Variants in CSMD3 observed in about 807,000 individuals in gnomAD.
The protein encoded by CSMD3 is CUB and Sushi multiple domains 3.
Under a neutral mutation model 435.2 loss-of-function variants are expected in CSMD3, and 177 were observed. The ratio of observed to expected loss-of-function variants is 0.41; its 90% CI spans 0.36 to 0.46. The LOEUF is 0.46. Ranked by LOEUF, CSMD3 falls within the 20% of genes least tolerant of loss-of-function variation. The probability of loss-of-function intolerance (pLI) is 0.34; values close to 1 mark genes in which losing one functional copy is unlikely to be tolerated. For synonymous variants in CSMD3, 1,656 were observed against 1,520.5 expected (o/e 1.09, Z -2.07); for missense variants, 4,265 against 4,504.6 (o/e 0.95, Z 1.52).
intron 16 of CSMD3, among the ~76,000 whole-genome samples, chr8:112,678,758 TAGA>T (rs1302630052): frequency 6.6e-6 from 1 of 152,030 alleles, no homozygotes; most frequent in Non-Finnish European, 1.5e-5. Context: ...GAAAATAAAA[TAGA>T]AGTAGAAATT....
intron 3 of CSMD3, among the ~76,000 whole-genome samples, chr8:113,213,513 T>C (rs1353156404): frequency 6.6e-6 from 1 of 150,656 alleles, no homozygotes; most frequent in African/African-American, 2.4e-5. Flanking sequence ...TTTTGTGTGT[T>C]TTTTTTTTAG....
chr8:112,715,638 C>T (rs1409612212), intron 13 of CSMD3, among the ~76,000 whole-genome samples: 1 of 152,136 alleles, frequency 6.6e-6, no homozygotes, highest in African/African-American at 2.4e-5. Context: ...AAACTTCAGT[C>T]CAATATCCCT....
intron 22 of CSMD3, among the ~76,000 whole-genome samples, chr8:112,621,866 A>C (rs1287466440): frequency 6.6e-6 from 1 of 152,050 alleles, no homozygotes; most frequent in Non-Finnish European, 1.5e-5. Context: ...CTTTTTCTCA[A>C]ATATGGACTC....
chr8:112,495,123 G>C (rs529750121), intron 30 of CSMD3, among the ~76,000 whole-genome samples: 44 of 152,196 alleles, frequency 2.9e-4, no homozygotes, highest in Non-Finnish European at 4.9e-4. Flanking sequence ...GTGATGCAAG[G>C]GTTGATTTGT....
chr8:112,959,790 T>A (rs2084161946), intron 7 of CSMD3, among the ~76,000 whole-genome samples: 1 of 151,906 alleles, frequency 6.6e-6, no homozygotes. Context: ...GTGGCACATA[T>A]CACTATTGAC....
chr8:112,377,132 C>T (rs1563861927), intron 38 of CSMD3, among the ~76,000 whole-genome samples: 2 of 151,642 alleles, frequency 1.3e-5, no homozygotes, highest in Admixed American at 6.6e-5. Context: ...CATCTAGTTG[C>T]TTTTTCGCAA....
chr8:112,978,692 A>G (rs556371510), intron 6 of CSMD3, among the ~76,000 whole-genome samples: 1 of 152,158 alleles, frequency 6.6e-6, no homozygotes, highest in East Asian at 1.9e-4. Context: ...CTAACCAGAT[A>G]TGTATTCCAA....
chr8:112,823,869 A>G (rs991047641), intron 12 of CSMD3, among the ~76,000 whole-genome samples: 1 of 152,116 alleles, frequency 6.6e-6, no homozygotes, highest in Non-Finnish European at 1.5e-5. Flanking sequence ...CAAGTTTTGA[A>G]TATCCTTGTT....
At chr8:113,209,766 A>C (rs1447345710) in intron 3 of CSMD3, among the ~76,000 whole-genome samples, 2 of 152,128 alleles carry the variant, frequency 1.3e-5, no homozygotes, top group African/African-American at 4.8e-5. Context: ...ATTAATAAGG[A>C]GTCAAGCAAA....
intron 23 of CSMD3, among the ~76,000 whole-genome samples, chr8:112,581,044 T>G (rs949048259): frequency 3.9e-5 from 6 of 152,130 alleles, no homozygotes; most frequent in Non-Finnish European, 8.8e-5. Flanking sequence ...GTATTCCTAT[T>G]ACATGAATAT....
chr8:113,072,728 A>G (rs2089178855), intron 5 of CSMD3, among the ~76,000 whole-genome samples: 1 of 151,804 alleles, frequency 6.6e-6, no homozygotes, highest in Non-Finnish European at 1.5e-5. Flanking sequence ...AAATTTCAAG[A>G]CATGCCCAGT....
chr8:112,686,562 C>CT (rs575326299), intron 14 of CSMD3, among the ~76,000 whole-genome samples: 73 of 151,234 alleles, frequency 4.8e-4, no homozygotes, highest in South Asian at 4.0e-3. Flanking sequence ...TCTAGGCTCA[C>CT]TGCAACCTCC....
At chr8:113,421,687 T>C (rs927499052) in intron 1 of CSMD3, among the ~76,000 whole-genome samples, 3 of 152,042 alleles carry the variant, frequency 2.0e-5, no homozygotes, top group African/African-American at 7.2e-5. Context: ...ATCCTCCTCT[T>C]CCCCTAGCCA....
At chr8:113,285,783 T>C (rs2093642657) in intron 2 of CSMD3, among the ~76,000 whole-genome samples, 1 of 152,212 alleles carries the variant, frequency 6.6e-6, no homozygotes, top group African/African-American at 2.4e-5. Flanking sequence ...TTGTCACATC[T>C]TGACAATAAC....
intron 19 of CSMD3, among the ~76,000 whole-genome samples, chr8:112,647,405 C>T (rs954299101): frequency 1.3e-5 from 2 of 151,902 alleles, no homozygotes; most frequent in South Asian, 2.1e-4. Flanking sequence ...GGGTTCACGC[C>T]ATTCTCCTGC....
Position 112,274,712 on chromosome 8 carries a change from A to G in CSMD3, c.9508+6462T>C, listed in dbSNP as rs1169658866. 4.6e-5 allele frequency among the ~76,000 whole-genome samples: 7 copies of G among 152,310 alleles called. No individual in the cohort carries two copies. In the South Asian group the frequency reaches 1.2e-3, roughly 27 times the overall value. On this transcript the variant is annotated intron_variant, in intron 59 of 70. Transcript: ENST00000297405. ...GGTGAAATGAAACATATGCACACAA[A>G]GAAAAGCTGAAAACATTATCATAAG... is the stretch of plus-strand genomic sequence containing the variant.
chr8:113,387,646 G>A (rs2094444917), intron 1 of CSMD3, among the ~76,000 whole-genome samples: 1 of 151,254 alleles, frequency 6.6e-6, no homozygotes, highest in African/African-American at 2.4e-5. Flanking sequence ...AGCAGAAGAA[G>A]GAATTTAAAA....
chr8:112,442,621 T>A (rs1488481171), intron 32 of CSMD3, among the ~76,000 whole-genome samples: 2 of 152,150 alleles, frequency 1.3e-5, no homozygotes, highest in Admixed American at 6.5e-5. Flanking sequence ...CCCCTTTGTC[T>A]TTTTAGTTTT....
chr8:112,688,465 G>C (rs1191585675), intron 14 of CSMD3, among the ~76,000 whole-genome samples: 1 of 152,070 alleles, frequency 6.6e-6, no homozygotes, highest in East Asian at 1.9e-4. Context: ...AATACGTCAA[G>C]TTCCCAGAAA....
Sources: gnomAD v4.1 joint callset for allele counts (sites outside exome capture counted in the v4.1 genomes callset) on GRCh38, gnomAD v4.1.1 for gene constraint, MANE v1.5 for transcripts, NCBI Gene and HGNC (gene_info 2026-07-23, HGNC 2026-07-21) for gene names.